EPHB1: variants seen among roughly 807,000 people sequenced by gnomAD.
EPHB1 encodes ephrin type-B receptor 1.
In EPHB1, 30 loss-of-function variants were observed where a neutral mutation model predicts 94.4. That is an observed-to-expected ratio of 0.32 (90% CI 0.24 to 0.43). EPHB1 has a LOEUF of 0.43. EPHB1 is among the 20% of genes least tolerant of loss of function. The pLI, the probability that EPHB1 is intolerant of heterozygous loss-of-function variation, is 1.00. For missense variants in EPHB1, 1,055 were observed against 1,308.3 expected (o/e 0.81, Z 2.99); for synonymous variants, 522 against 489.1 (o/e 1.07, Z -0.89).
intron 4 of EPHB1, among the ~76,000 whole-genome samples, chr3:135,128,511 T>C (rs930637285): frequency 3.7e-4 from 57 of 152,224 alleles, no homozygotes; most frequent in African/African-American, 1.3e-3. Context: ...GCCATCATCA[T>C]TTTAACCACC....
intron 3 of EPHB1, among the ~76,000 whole-genome samples, chr3:135,077,441 G>A (rs1182118809): frequency 6.6e-6 from 1 of 152,188 alleles, no homozygotes; most frequent in Non-Finnish European, 1.5e-5. Context: ...TCTGATGTCA[G>A]CCGTCCCTCT....
intron 1 of EPHB1, among the ~76,000 whole-genome samples, chr3:134,871,216 G>A (rs867144928): frequency 6.6e-6 from 1 of 152,340 alleles, no homozygotes. Context: ...AATGATTACA[G>A]CTCAGGACCT....
intron 4 of EPHB1, among the ~76,000 whole-genome samples, chr3:135,119,545 C>T (rs772643095): frequency 1.2e-4 from 19 of 152,074 alleles, no homozygotes; most frequent in Admixed American, 2.6e-4. Context: ...CTCCACCTCC[C>T]GGGTTCAAGC....
chr3:135,006,323 C>G (rs750111466), intron 3 of EPHB1, among the ~76,000 whole-genome samples: 1 of 151,890 alleles, frequency 6.6e-6, no homozygotes, highest in African/African-American at 2.4e-5. Context: ...TTACTACGGG[C>G]AGATGGGGAG....
At chr3:135,203,956 G>T (rs1285923110) in intron 12 of EPHB1, among the ~76,000 whole-genome samples, 1 of 151,988 alleles carries the variant, frequency 6.6e-6, no homozygotes, top group Non-Finnish European at 1.5e-5. Flanking sequence ...GAAAAATGAT[G>T]CCTCATTTTT....
At chr3:135,040,359 A>G (rs1301543425) in intron 3 of EPHB1, among the ~76,000 whole-genome samples, 1 of 152,252 alleles carries the variant, frequency 6.6e-6, no homozygotes, top group Non-Finnish European at 1.5e-5. Context: ...GAATTCTATC[A>G]GGCAGGGGTG....
At chr3:134,935,286 C>T (rs563718075) in intron 2 of EPHB1, among the ~76,000 whole-genome samples, 26 of 152,094 alleles carry the variant, frequency 1.7e-4, no homozygotes, top group Admixed American at 3.9e-4. Flanking sequence ...GAGGATAAGA[C>T]GAACAGGAGG....
intron 3 of EPHB1, among the ~76,000 whole-genome samples, chr3:135,098,647 C>T (rs1938900820): frequency 2.0e-5 from 3 of 151,860 alleles, no homozygotes; most frequent in South Asian, 2.1e-4. Context: ...GAAATAAGAT[C>T]GTTGAATCAA....
intron 12 of EPHB1, among the ~76,000 whole-genome samples, chr3:135,230,328 AGTCCAGCCCT>A (rs1350736732): frequency 6.6e-6 from 1 of 152,086 alleles, no homozygotes; most frequent in African/African-American, 2.4e-5. Flanking sequence ...CAGCAGGGCA[AGTCCAGCCCT>A]GCTTACTACA....
chr3:134,882,806 C>CTTTCTTTCTTTCTTTCTTTCTTTCTTTCT (rs2037780301), intron 1 of EPHB1, among the ~76,000 whole-genome samples: 1 of 80,840 alleles, frequency 1.2e-5, no homozygotes, highest in African/African-American at 4.5e-5. Context: ...TTCTTTCTTT[C>CTTTCTTTCTTTCTTTCTTTCTTTCTTTCT]TTTCTTTCTT....
chr3:134,874,381 G>A (rs1170740434), intron 1 of EPHB1, among the ~76,000 whole-genome samples: 1 of 152,056 alleles, frequency 6.6e-6, no homozygotes, highest in Non-Finnish European at 1.5e-5. Flanking sequence ...GGAGGGTGAG[G>A]GGAGAGAACT....
Position 134,958,045 on chromosome 3 carries a change from C to T in EPHB1, c.805+5993C>T, listed in dbSNP as rs370646242. 5.9e-5 allele frequency among the ~76,000 whole-genome samples: 9 copies of T among 152,276 alleles called. No homozygotes were observed. In the South Asian group the frequency reaches 1.9e-3, roughly 32 times the overall value. On this transcript the variant is annotated intron_variant, in intron 3 of 15. Coordinates refer to ENST00000398015, the MANE Select transcript of EPHB1 (RefSeq NM_004441.5). ...TCTCCTCTTGTCAGACGCTTGCTGT[C>T]CTCTCCTTCCTGGCTGCTTCTTCAT...
chr3:134,855,827 TG>T (rs1393207858), intron 1 of EPHB1, among the ~76,000 whole-genome samples: 1 of 152,176 alleles, frequency 6.6e-6, no homozygotes, highest in Non-Finnish European at 1.5e-5. Flanking sequence ...AGCCCTCAAA[TG>T]GTGCCTGGCA....
At chr3:134,878,868 G>C (rs1420696708) in intron 1 of EPHB1, among the ~76,000 whole-genome samples, 2 of 152,170 alleles carry the variant, frequency 1.3e-5, no homozygotes, top group African/African-American at 4.8e-5. Flanking sequence ...AATGAATAGA[G>C]GACAACTTTT....
At position 134,958,919 on chromosome 3, in the gene EPHB1, T is replaced by A. The variant is rs114505527; in HGVS notation, c.805+6867T>A. ...TTGTGCTCTGCATAATGATCCTTTC[T>A]GCCTTTGAGACACAGGGCTAGAAGC... is the stretch of plus-strand genomic sequence containing the variant. On this transcript the variant is annotated intron_variant, in intron 3 of 15. Transcript: ENST00000398015. Among the ~76,000 whole-genome samples the A allele has an allele frequency of 2.2e-3, 340 of 152,294 alleles. 1 individual carries two copies. The highest frequency in any genetic ancestry group is 8.0e-3 in the African/African-American group (331 of 41,576).
intron 3 of EPHB1, among the ~76,000 whole-genome samples, chr3:134,954,595 C>T (rs1449461861): frequency 6.6e-6 from 1 of 152,138 alleles, no homozygotes; most frequent in African/African-American, 2.4e-5. Flanking sequence ...GTCCTCTGAG[C>T]CTGGCTGGGT....
chr3:134,797,320 G>T (rs760835162), intron 1 of EPHB1, among the ~76,000 whole-genome samples: 48 of 152,150 alleles, frequency 3.2e-4, no homozygotes, highest in Non-Finnish European at 5.4e-4. Context: ...AGACACGTGT[G>T]GGAGCAGTTG....
At chr3:134,943,496 C>T (rs551802753) in intron 2 of EPHB1, among the ~76,000 whole-genome samples, 185 of 152,276 alleles carry the variant, frequency 1.2e-3, no homozygotes, top group African/African-American at 4.2e-3. Flanking sequence ...GAAGAAATGG[C>T]ACATTGTGGT....
intron 3 of EPHB1, chr3:135,067,840 A>T (rs955058650): frequency 6.6e-6 from 1 of 152,248 alleles, no homozygotes; most frequent in Non-Finnish European, 1.5e-5. Context: ...TGGGGAACCC[A>T]GTGGGCTCCC....
Sources: allele counts gnomAD v4.1 joint callset (sites outside exome capture counted in the v4.1 genomes callset), GRCh38; gene constraint gnomAD v4.1.1; transcripts MANE v1.5; gene names NCBI Gene and HGNC (gene_info 2026-07-23, HGNC 2026-07-21).